Variants in PPP6R3 observed in about 807,000 individuals in gnomAD.
PPP6R3 encodes serine/threonine-protein phosphatase 6 regulatory subunit 3.
A neutral mutation model predicts 110.7 loss-of-function variants in PPP6R3; 38 were observed. The ratio of observed to expected loss-of-function variants is 0.34; its 90% CI spans 0.26 to 0.45. The LOEUF is 0.45. Among genes scored for constraint, PPP6R3 ranks in the 20% least tolerant of loss-of-function variants. PPP6R3 has a pLI of 1.00. For synonymous variants in PPP6R3, 369 were observed against 373.5 expected (o/e 0.99, Z 0.14); for missense variants, 870 against 1,062.4 (o/e 0.82, Z 2.52).
chr11:68,547,560 C>T (rs1041667782), intron 4 of PPP6R3, among the ~76,000 whole-genome samples: 1 of 152,160 alleles, frequency 6.6e-6, no homozygotes, highest in Non-Finnish European at 1.5e-5. Context: ...TTGGTGAAGT[C>T]AAAATCAAAG....
In PPP6R3 at chr11:68,590,714, T is replaced by C. The variant is rs1245613224; in HGVS notation, c.1785T>C (p.Ser595=). 6.3e-7 allele frequency: 1 copy of C among 1,591,978 alleles called. No homozygotes were observed. Among genetic ancestry groups the C allele is most frequent in the Non-Finnish European group, 8.6e-7 (1 of 1,164,788 alleles). ...DINFTLNTNE[S]GNIALFEACC... is the part of the protein sequence containing the mutation. ...ACTTTACTCTCAATACAAATGAAAG[T>C]GTAAGTATAAACTCTGTTGTGAGCA... is the stretch of plus-strand genomic sequence containing the variant. The change falls in exon 17 of 24, where the codon AGT becomes AGC. Residue 595 remains serine (S), a splice_region_variant and synonymous_variant. Transcript: ENST00000393800.
intron 10 of PPP6R3, among the ~76,000 whole-genome samples, chr11:68,567,886 C>T (rs2099484924): frequency 6.6e-6 from 1 of 152,034 alleles, no homozygotes; most frequent in Non-Finnish European, 1.5e-5. Flanking sequence ...TAATGTTCAT[C>T]TTATGTACAC....
chr11:68,521,061 C>T (rs890867533), intron 2 of PPP6R3, among the ~76,000 whole-genome samples: 43 of 152,238 alleles, frequency 2.8e-4, no homozygotes, highest in African/African-American at 9.1e-4. Context: ...CGTGAGCCAC[C>T]GCGTCCGGCC....
chr11:68,466,892 C>T (rs1243502631), intron 1 of PPP6R3, among the ~76,000 whole-genome samples: 2 of 151,934 alleles, frequency 1.3e-5, no homozygotes, highest in Non-Finnish European at 1.5e-5. Context: ...GGATTACAGG[C>T]GTGAGCCACC....
Position 68,587,610 on chromosome 11 carries a change from C to A in PPP6R3, c.1633-317C>A, listed in dbSNP as rs537676056. On this transcript the variant is annotated intron_variant, in intron 15 of 23. Transcript: ENST00000393800. ...TACACCTTATAATTTCAGACTGTTCCATGTCATGTGATCACTTTAAACTAG... is the reference window on the plus strand; with the variant it reads ...TACACCTTATAATTTCAGACTGTTCAATGTCATGTGATCACTTTAAACTAG... 3.9e-4 allele frequency: 155 copies of A among 394,666 alleles called. 1 individual carries two copies. The highest frequency in any genetic ancestry group is 3.3e-3 in the South Asian group (153 of 46,474). 24.4% of individuals were successfully genotyped at this position (394,666 alleles called of 1,614,324 possible). A position where few individuals can be genotyped will look rare whatever the true frequency, so the allele number is the denominator to read the frequency against.
chr11:68,503,950 A>G (rs2099061652), intron 1 of PPP6R3, among the ~76,000 whole-genome samples: 2 of 152,336 alleles, frequency 1.3e-5, no homozygotes, highest in South Asian at 4.1e-4. Context: ...ACAGGCTTTC[A>G]CACATCACTG....
intron 1 of PPP6R3, among the ~76,000 whole-genome samples, chr11:68,476,217 T>G (rs1304017702): frequency 2.6e-5 from 4 of 152,140 alleles, no homozygotes; most frequent in Non-Finnish European, 5.9e-5. Context: ...TTCCGGCACC[T>G]CGGGAGGCCG....
chr11:68,596,344 G>A, intron 19 of PPP6R3, 126 bp downstream of exon 19: 2 of 1,320,792 alleles, frequency 1.5e-6, no homozygotes, highest in Admixed American at 1.9e-5. Flanking sequence ...GAAGCGTGTT[G>A]TCAAGTGAAT....
At chr11:68,489,266 G>A (rs144278598) in intron 1 of PPP6R3, among the ~76,000 whole-genome samples, 1,555 of 151,970 alleles carry the variant, frequency 0.01, 10 homozygotes, top group African/African-American at 0.012. Context: ...TGATCCGCCC[G>A]CCTCGGCCTC....
intron 1 of PPP6R3, among the ~76,000 whole-genome samples, chr11:68,475,744 GGGGCGGCTGCC>G (rs1156460907): frequency 6.6e-6 from 1 of 150,842 alleles, no homozygotes. Context: ...CTTCTCAGAC[GGGGCGGCTGCC>G]GGGCGGAGGG....
chr11:68,572,654 A>G (rs1204719609), intron 12 of PPP6R3, among the ~76,000 whole-genome samples: 1 of 152,120 alleles, frequency 6.6e-6, no homozygotes, highest in Non-Finnish European at 1.5e-5. Context: ...GTTCGAGACC[A>G]GTCTGGACAA....
At position 68,548,159 on chromosome 11, in the gene PPP6R3, C is replaced by T. The variant is rs761010556; in HGVS notation, c.507C>T (p.Leu169=). The change falls in exon 5 of 24, where the codon CTC becomes CTT. Residue 169 remains leucine (L), a synonymous_variant. Coordinates refer to ENST00000393800, the MANE Select transcript of PPP6R3 (RefSeq NM_001164161.2). The part of the protein sequence containing the change: ...TSAIMDLLLR[L]LTCIEPPQPR... ...CTATCATGGATTTGTTGCTCAGGCT[C>T]CTGACGTGTATCGAACCTCCACAGC... 2 of 1,614,156 alleles carry T rather than the reference C, an allele frequency of 1.2e-6. No homozygotes were observed. Among genetic ancestry groups the T allele is most frequent in the Non-Finnish European group, 1.7e-6 (2 of 1,180,014 alleles).
Position 68,520,380 on chromosome 11 carries a change from C to A in PPP6R3, c.-7+729C>A, listed in dbSNP as rs528453. Reference sequence around the variant, plus strand: ...GATTTACCAGGGCCTATTGGTTCTACTGTTGACTCTTGCAACTGTCTTTTT... The same window carrying A: ...GATTTACCAGGGCCTATTGGTTCTAATGTTGACTCTTGCAACTGTCTTTTT... On this transcript the variant is annotated intron_variant, in intron 2 of 23. Coordinates refer to ENST00000393800, the MANE Select transcript of PPP6R3 (RefSeq NM_001164161.2). Among the ~76,000 whole-genome samples the A allele has an allele frequency of 9.8e-4, 149 of 152,340 alleles. 1 individual carries two copies. Among genetic ancestry groups the A allele is most frequent in the African/African-American group, 3.3e-3 (138 of 41,586 alleles).
intron 14 of PPP6R3, among the ~76,000 whole-genome samples, chr11:68,579,877 T>C (rs1436634914): frequency 4.6e-5 from 7 of 152,234 alleles, no homozygotes; most frequent in African/African-American, 1.7e-4. Flanking sequence ...TTGTAGCAGA[T>C]AGCCCAGGTC....
chr11:68,516,084 A>AT (rs1327143136), intron 1 of PPP6R3, among the ~76,000 whole-genome samples: 1 of 152,034 alleles, frequency 6.6e-6, no homozygotes, highest in African/African-American at 2.4e-5. Context: ...TTCAAAATAC[A>AT]TTTTTGTCAT....
At chr11:68,551,782 CG>C (rs1351236071) in intron 6 of PPP6R3, among the ~76,000 whole-genome samples, 1 of 152,116 alleles carries the variant, frequency 6.6e-6, no homozygotes, top group Non-Finnish European at 1.5e-5. Flanking sequence ...CCACTGTGCC[CG>C]GCCTCCTTTT....
At chr11:68,562,250 A>G (rs988427635) in intron 8 of PPP6R3, among the ~76,000 whole-genome samples, 2 of 152,232 alleles carry the variant, frequency 1.3e-5, no homozygotes, top group Non-Finnish European at 2.9e-5. Context: ...AATGTGTGCA[A>G]GGCTTAATGC....
chr11:68,547,786 T>A (rs1484328771), intron 4 of PPP6R3, among the ~76,000 whole-genome samples: 3 of 152,240 alleles, frequency 2.0e-5, no homozygotes, highest in Admixed American at 6.5e-5. Context: ...CACCATTCTT[T>A]GAGAATGAAT....
intron 1 of PPP6R3, among the ~76,000 whole-genome samples, chr11:68,505,481 T>C (rs186700517): frequency 2.0e-5 from 3 of 151,824 alleles, no homozygotes; most frequent in Admixed American, 6.5e-5. Context: ...AATTGAATTA[T>C]TGTTTTTTAT....
Sources: gnomAD v4.1 joint callset for allele counts (sites outside exome capture counted in the v4.1 genomes callset) on GRCh38, gnomAD v4.1.1 for gene constraint, MANE v1.5 for transcripts, NCBI Gene and HGNC (gene_info 2026-07-23, HGNC 2026-07-21) for gene names.